Variants in DGKD observed in about 807,000 individuals in gnomAD.
DGKD encodes the protein DAG kinase delta.
Under a neutral mutation model 154.4 loss-of-function variants are expected in DGKD, and 68 were observed. That is an observed-to-expected ratio of 0.44 (90% CI 0.36 to 0.54). The LOEUF (loss-of-function observed/expected upper bound fraction) is 0.54, where lower values mean the gene tolerates loss of function less well. Among genes scored for constraint, DGKD ranks in the 20% least tolerant of loss-of-function variants. DGKD has a pLI of 0.00. For missense variants in DGKD, 1,343 were observed against 1,593.6 expected, an observed-to-expected ratio of 0.84 and a Z score of 2.68; for synonymous variants, 693 against 638.0, an observed-to-expected ratio of 1.09 and a Z score of -1.30.
intron 1 of DGKD, among the ~76,000 whole-genome samples, chr2:233,376,980 C>T (rs1177383928): frequency 6.6e-6 from 1 of 151,368 alleles, no homozygotes; most frequent in African/African-American, 2.4e-5. Context: ...TTAATCCTTC[C>T]ATTGTTTCTT....
At chr2:233,451,785 C>T (rs924828031) in intron 17 of DGKD, among the ~76,000 whole-genome samples, 179 bp from the exon 18 acceptor site, 1 of 152,020 alleles carries the variant, frequency 6.6e-6, no homozygotes, top group East Asian at 1.9e-4. Flanking sequence ...TTTCTTTGTT[C>T]CAGTGATTTT....
chr2:233,447,315 C>T (rs1165278352), intron 12 of DGKD, among the ~76,000 whole-genome samples: 1 of 152,188 alleles, frequency 6.6e-6, no homozygotes, highest in Non-Finnish European at 1.5e-5. Flanking sequence ...TTTAACGCTC[C>T]TACAGTTTCC....
At chr2:233,402,637 C>T (rs969580894) in intron 3 of DGKD, among the ~76,000 whole-genome samples, 1 of 152,228 alleles carries the variant, frequency 6.6e-6, no homozygotes, top group African/African-American at 2.4e-5. Flanking sequence ...TACAATTTCC[C>T]AGCTCATGTC....
At chr2:233,394,479 A>G (rs1448090924) in intron 3 of DGKD, among the ~76,000 whole-genome samples, 1 of 152,038 alleles carries the variant, frequency 6.6e-6, no homozygotes, top group Non-Finnish European at 1.5e-5. Context: ...CCTGGCATCA[A>G]GTGATCCTCC....
Position 233,354,714 on chromosome 2 carries a change from C to A in DGKD, c.156+40C>A. 3 of 976,848 alleles carry A rather than the reference C, an allele frequency of 3.1e-6. No individual in the cohort carries two copies. The highest frequency in any genetic ancestry group is 3.6e-6 in the Non-Finnish European group (3 of 825,138). 60.5% of individuals were successfully genotyped at this position (976,848 alleles called of 1,614,324 possible). A position where few individuals can be genotyped will look rare whatever the true frequency, so the allele number is the denominator to read the frequency against. ...CGGCGGCCCGGGCGCGCGCCCCTCA[C>A]GCCGCGGCAGCCCCGGCCGAGGCCC... On this transcript the variant is annotated intron_variant, in intron 1 of 29. Transcript: ENST00000264057. This position sits in a 1 kb window ranked among gnomAD's most constrained non-coding sequence, Gnocchi z 4.8.
rs145635240 is a variant in DGKD at position 233,357,992 on chromosome 2, T to C, written c.156+3318T>C. 3.2e-3 allele frequency among the ~76,000 whole-genome samples: 486 copies of C among 152,354 alleles called. 1 individual carries two copies. Among genetic ancestry groups the C allele is most frequent in the African/African-American group, 0.011 (451 of 41,580 alleles). Reference sequence around the variant, plus strand: ...TATAGATCTTTAGCATATTGAAAATTTGATGTGTGCAGATTTGTGATGGCC... The same window carrying C: ...TATAGATCTTTAGCATATTGAAAATCTGATGTGTGCAGATTTGTGATGGCC... On this transcript the variant is annotated intron_variant, in intron 1 of 29. Transcript: ENST00000264057.
In DGKD at chr2:233,449,492, C is replaced by G; in HGVS notation, c.1888+116C>G. 1 of 1,374,716 alleles carries G rather than the reference C, an allele frequency of 7.3e-7. No individual in the cohort carries two copies. The highest frequency in any genetic ancestry group is 1.5e-5 in the African/African-American group (1 of 68,764). 85.2% of individuals were successfully genotyped at this position (1,374,716 alleles called of 1,614,324 possible). A position where few individuals can be genotyped will look rare whatever the true frequency, so the allele number is the denominator to read the frequency against. ...ATGTTGAGAAAACCTCCACTGCGGC[C>G]CTCTCCACCCATGTCCAGGCACCAG... On this transcript the variant is annotated intron_variant, in intron 15 of 29. Transcript: ENST00000264057. The surrounding 1 kb of genome is among the most constrained non-coding windows in gnomAD (Gnocchi z 5.3).
Position 233,420,692 on chromosome 2 carries a change from T to C in DGKD, c.349-13688T>C, listed in dbSNP as rs554121349. On this transcript the variant is annotated intron_variant, in intron 3 of 29. Coordinates refer to ENST00000264057, the MANE Select transcript of DGKD (RefSeq NM_152879.3). ...TTTAGTTAAATGGTTCAAGGTTTAA[T>C]ACAACTGATTCCTGATTCCTGGAGT... Among the ~76,000 whole-genome samples the C allele has an allele frequency of 3.9e-5, 6 of 152,366 alleles. No individual in the cohort carries two copies. In the South Asian group the frequency reaches 1.0e-3, roughly 26 times the overall value.
chr2:233,446,764 A>C lies in DGKD; in HGVS notation c.1387A>C (p.Thr463Pro), dbSNP rs751667256. 2.5e-6 allele frequency: 4 copies of C among 1,614,008 alleles called. No homozygotes were observed. The highest frequency in any genetic ancestry group is 1.3e-5 in the African/African-American group (1 of 74,898). Residue 463 changes from threonine (T) to proline (P), a missense_variant, in exon 12 of 30, where the codon ACC (threonine) becomes CCC (proline). Transcript: ENST00000264057. ...AKLPRQASSS[T>P]VTEDFSEDSE... ...GCTCCCCCGGCAGGCCTCCTCCTCT[A>C]CCGTCACCGAAGACTTCAGCGAGGA...
intron 3 of DGKD, among the ~76,000 whole-genome samples, chr2:233,415,718 G>T (rs1474071681): frequency 6.6e-6 from 1 of 152,098 alleles, no homozygotes; most frequent in Non-Finnish European, 1.5e-5. Flanking sequence ...TGACCTCCTG[G>T]GCTCAAGTGA....
chr2:233,397,141 G>A (rs1291862084), intron 3 of DGKD, among the ~76,000 whole-genome samples: 1 of 137,566 alleles, frequency 7.3e-6, no homozygotes, highest in Non-Finnish European at 1.6e-5. Flanking sequence ...GGACACCAGA[G>A]GGGACCAGGG....
rs1334106350 is a variant in DGKD, at chr2:233,438,633, T to C, written c.1085+254T>C. On this transcript the variant is annotated intron_variant, in intron 9 of 29. Transcript: ENST00000264057. This position sits in a 1 kb window ranked among gnomAD's most constrained non-coding sequence, Gnocchi z 4.1. ...ACACACACCCATGCACGTGCATCTT[T>C]TGAGCCAATCAGGATTCTTCTTTAC... Among the ~76,000 whole-genome samples the C allele has an allele frequency of 6.6e-6, 1 of 152,232 alleles. No individual in the cohort carries two copies. Among genetic ancestry groups the C allele is most frequent in the African/African-American group, 2.4e-5 (1 of 41,466 alleles).
At chr2:233,388,076 AC>A (rs1396370467) in intron 1 of DGKD, 180 bp from the exon 2 acceptor site, 26 of 1,386,934 alleles carry the variant, frequency 1.9e-5, no homozygotes, top group Non-Finnish European at 2.3e-5. Context: ...GATTGGTGCA[AC>A]CCCCCATGCC....
intron 3 of DGKD, among the ~76,000 whole-genome samples, chr2:233,395,536 CATTT>C (rs1212190774): frequency 6.6e-6 from 1 of 151,958 alleles, no homozygotes; most frequent in Non-Finnish European, 1.5e-5. Flanking sequence ...GTCTCTTAAA[CATTT>C]ATAGTTCACA....
intron 12 of DGKD, among the ~76,000 whole-genome samples, chr2:233,447,206 G>T (rs964313897): frequency 1.3e-5 from 2 of 150,654 alleles, no homozygotes; most frequent in East Asian, 3.9e-4. Context: ...CCCGGCTCCT[G>T]CCCCGTCCCA....
At chr2:233,413,703 T>C (rs1372176383) in intron 3 of DGKD, among the ~76,000 whole-genome samples, 1 of 152,234 alleles carries the variant, frequency 6.6e-6, no homozygotes, top group African/African-American at 2.4e-5. Flanking sequence ...GTGTCGTCAC[T>C]GTGCTGTGAC....
intron 12 of DGKD, 136 bp downstream of exon 12, chr2:233,446,932 C>A: frequency 9.9e-7 from 1 of 1,013,256 alleles, no homozygotes; most frequent in Non-Finnish European, 1.4e-6. Flanking sequence ...CCTGCGGAGG[C>A]GCAGGGTGAA....
chr2:233,443,613 T>C (rs1197462110), intron 10 of DGKD, among the ~76,000 whole-genome samples: 1 of 152,222 alleles, frequency 6.6e-6, no homozygotes, highest in African/African-American at 2.4e-5. Flanking sequence ...TGGATGTATT[T>C]TTCAGTGATT....
chr2:233,387,921 C>T (rs1047130668), intron 1 of DGKD, among the ~76,000 whole-genome samples: 4 of 152,154 alleles, frequency 2.6e-5, no homozygotes, highest in African/African-American at 4.8e-5. Context: ...ACTGGCCCCG[C>T]GTCCCAGTGT....
Sources: allele counts gnomAD v4.1 joint callset (sites outside exome capture counted in the v4.1 genomes callset), GRCh38; gene constraint gnomAD v4.1.1; non-coding constraint Gnocchi (gnomAD v3.1); transcripts MANE v1.5; gene names NCBI Gene and HGNC (gene_info 2026-07-23, HGNC 2026-07-21).